ZNF385D: variants seen among roughly 807,000 people sequenced by gnomAD.
The protein encoded by ZNF385D is zinc finger protein 385D.
A neutral mutation model predicts 35.8 loss-of-function variants in ZNF385D; 15 were observed. The observed-to-expected ratio is 0.42, with a 90% CI of 0.28 to 0.64. The LOEUF is 0.64. Among genes scored for constraint, ZNF385D ranks in the 30% least tolerant of loss-of-function variants. ZNF385D has a pLI of 0.23. For synonymous variants in ZNF385D, 212 were observed against 186.8 expected (o/e 1.13, Z -1.10); for missense variants, 474 against 494.6 (o/e 0.96, Z 0.39).
chr3:22,148,674 G>C (rs993646821), intron 3 of ZNF385D, among the ~76,000 whole-genome samples: 16 of 152,188 alleles, frequency 1.1e-4, no homozygotes, highest in South Asian at 4.1e-4. Flanking sequence ...AGCAAAGTAA[G>C]ATCTACATGG....
chr3:22,191,868 C>T (rs1696055847), intron 2 of ZNF385D, among the ~76,000 whole-genome samples: 1 of 151,906 alleles, frequency 6.6e-6, no homozygotes, highest in Admixed American at 6.6e-5. Context: ...CAATATTTTA[C>T]TTACTACTGA....
At chr3:21,790,082 C>G (rs1266875843) in intron 3 of ZNF385D, among the ~76,000 whole-genome samples, 3 of 152,166 alleles carry the variant, frequency 2.0e-5, no homozygotes, top group Admixed American at 2.0e-4. Context: ...CTACAAGACA[C>G]AAACACACAC....
In ZNF385D at chr3:21,416,699, C is replaced by G. The variant is rs1700566109; in HGVS notation, c.*4515G>C. ...CTGTTAGGACTCAGTTTAAATAATT[C>G]CTGTAACAATGACAAGAGCGCATAA... On this transcript the variant is annotated 3_prime_UTR_variant, in exon 8 of 8. Transcript: ENST00000281523. 6.6e-6 allele frequency: 1 copy of G among 152,086 alleles called. No individual in the cohort carries two copies. The allele number at this position is 152,086 out of a possible 1,614,324, so 9.4% of individuals were successfully genotyped here.
intron 3 of ZNF385D, among the ~76,000 whole-genome samples, chr3:21,810,804 G>C (rs1184922084): frequency 6.6e-6 from 1 of 151,924 alleles, no homozygotes; most frequent in Non-Finnish European, 1.5e-5. Flanking sequence ...TATTGAATGA[G>C]TTAATTTAAA....
intron 3 of ZNF385D, among the ~76,000 whole-genome samples, 171 bp downstream of exon 3, chr3:21,564,403 C>T (rs2063067108): frequency 6.6e-6 from 1 of 152,126 alleles, no homozygotes. Context: ...AACAACCAAA[C>T]ATAACATAAT....
intron 3 of ZNF385D, among the ~76,000 whole-genome samples, chr3:21,526,225 G>A (rs1255149504): frequency 6.6e-6 from 1 of 151,992 alleles, no homozygotes; most frequent in Non-Finnish European, 1.5e-5. Context: ...TTTTGATAAG[G>A]AATTGTAGAG....
chr3:21,989,171 C>T (rs562055485), intron 3 of ZNF385D, among the ~76,000 whole-genome samples: 8 of 152,306 alleles, frequency 5.3e-5, no homozygotes, highest in African/African-American at 1.9e-4. Context: ...GCCATCTTGG[C>T]TCCTCCGACC....
chr3:22,189,170 G>A (rs1430951292), intron 2 of ZNF385D, among the ~76,000 whole-genome samples: 1 of 152,078 alleles, frequency 6.6e-6, no homozygotes, highest in Admixed American at 6.6e-5. Flanking sequence ...TGGCCCCAAG[G>A]TCATCCCTGA....
chr3:21,415,695 T>C lies in ZNF385D; in HGVS notation c.*5519A>G, dbSNP rs576271935. ...CTCACAAATCATTTTAGCCCTAATC[T>C]TTAAAAATTGCCTTTAGAGATGACC... On this transcript the variant is annotated 3_prime_UTR_variant, in exon 8 of 8. Transcript: ENST00000281523. 6 of 152,224 alleles carry C rather than the reference T, an allele frequency of 3.9e-5. 1 individual carries two copies. The South Asian group carries it at 1.2e-3, about 32-fold the overall frequency. The allele number at this position is 152,224 out of a possible 1,614,324, so 9.4% of individuals were successfully genotyped here.
At chr3:21,997,511 AT>A (rs1259822411) in intron 3 of ZNF385D, among the ~76,000 whole-genome samples, 2 of 152,070 alleles carry the variant, frequency 1.3e-5, no homozygotes, top group African/African-American at 4.8e-5. Context: ...TAATAAAAAA[AT>A]GTGATTTTTA....
At chr3:22,113,849 T>A (rs1436161856) in intron 3 of ZNF385D, among the ~76,000 whole-genome samples, 1 of 152,102 alleles carries the variant, frequency 6.6e-6, no homozygotes, top group South Asian at 2.1e-4. Context: ...TCAATAGAGA[T>A]CATTCCTATT....
intron 2 of ZNF385D, among the ~76,000 whole-genome samples, chr3:21,612,557 A>G (rs1575319833): frequency 6.6e-6 from 1 of 152,246 alleles, no homozygotes; most frequent in Middle Eastern, 3.2e-3. Context: ...GAACCTATTC[A>G]TTTGTTCAAT....
intron 3 of ZNF385D, among the ~76,000 whole-genome samples, chr3:21,533,471 G>A (rs754639831): frequency 5.3e-5 from 8 of 152,036 alleles, no homozygotes; most frequent in Non-Finnish European, 1.2e-4. Flanking sequence ...TAATCCTATA[G>A]AACGAAAACC....
In ZNF385D at chr3:21,861,749, A is replaced by G. The variant is rs181880572; in HGVS notation, c.326-196721T>C. Among the ~76,000 whole-genome samples, 117 of 152,210 alleles carry G rather than the reference A, an allele frequency of 7.7e-4. 1 individual carries two copies. The highest frequency in any genetic ancestry group is 7.5e-3 in the Admixed American group (115 of 15,278). ...TTATGAGAAGTATGAAAATTTGGAG[A>G]TGGAATCTGCTTTGTCTTACCCAAT... On this transcript the variant is annotated intron_variant, in intron 3 of 5. Coordinates refer to the ZNF385D transcript ENST00000494108.
At chr3:21,852,632 AG>A (rs1696453449) in intron 3 of ZNF385D, among the ~76,000 whole-genome samples, 1 of 151,964 alleles carries the variant, frequency 6.6e-6, no homozygotes, top group South Asian at 2.1e-4. Context: ...TGAGCATAGC[AG>A]TAAATTATAT....
chr3:22,240,246 A>C (rs1699419501), intron 2 of ZNF385D, among the ~76,000 whole-genome samples: 1 of 150,196 alleles, frequency 6.7e-6, no homozygotes, highest in South Asian at 2.2e-4. Flanking sequence ...TCATCATTAG[A>C]AATTTTCTGG....
intron 3 of ZNF385D, among the ~76,000 whole-genome samples, chr3:21,861,843 T>C (rs1301929937): frequency 6.6e-6 from 1 of 152,076 alleles, no homozygotes; most frequent in Non-Finnish European, 1.5e-5. Flanking sequence ...AATGAGTACC[T>C]AGCATTCCCT....
intron 3 of ZNF385D, among the ~76,000 whole-genome samples, chr3:21,938,589 A>AT (rs1277265864): frequency 1.3e-5 from 2 of 152,148 alleles, no homozygotes; most frequent in Non-Finnish European, 2.9e-5. Context: ...CATTTTAAGC[A>AT]TGTCTACAAT....
intron 3 of ZNF385D, among the ~76,000 whole-genome samples, chr3:22,022,103 T>G (rs1697256760): frequency 6.6e-6 from 1 of 152,104 alleles, no homozygotes; most frequent in South Asian, 2.1e-4. Context: ...TTCAGATTGT[T>G]AGGAAACTTA....
Sources: gnomAD v4.1 joint callset for allele counts (sites outside exome capture counted in the v4.1 genomes callset) on GRCh38, gnomAD v4.1.1 for gene constraint, MANE v1.5 for transcripts, NCBI Gene and HGNC (gene_info 2026-07-23, HGNC 2026-07-21) for gene names.